The following FAM98A variants were observed in gnomAD, a reference collection of about 807,000 sequenced individuals.
FAM98A encodes the protein tRNA splicing ligase complex subunit 3A.
Under a neutral mutation model 62.9 loss-of-function variants are expected in FAM98A, and 25 were observed. The observed-to-expected ratio is 0.40, with a 90% CI of 0.29 to 0.56. FAM98A has a LOEUF of 0.56. Ranked by LOEUF, FAM98A falls within the 20% of genes least tolerant of loss-of-function variation. The pLI, the probability that FAM98A is intolerant of heterozygous loss-of-function variation, is 0.51. For synonymous variants in FAM98A, 252 were observed against 228.6 expected (o/e 1.10, Z -0.92); for missense variants, 653 against 640.7 (o/e 1.02, Z -0.21).
chr2:33,598,820 G>A (rs1389931853), intron 1 of FAM98A, among the ~76,000 whole-genome samples: 1 of 152,158 alleles, frequency 6.6e-6, no homozygotes. Context: ...AACCTTTAGA[G>A]TTGAGGGGTT....
At chr2:33,586,024 C>CT (rs1443552618) in intron 6 of FAM98A, among the ~76,000 whole-genome samples, 12 of 152,150 alleles carry the variant, frequency 7.9e-5, no homozygotes, top group African/African-American at 1.2e-4. Context: ...CTCATTTTCT[C>CT]TATTTAAATA....
intron 5 of FAM98A, among the ~76,000 whole-genome samples, 181 bp downstream of exon 5, chr2:33,587,059 C>A (rs1227059314): frequency 6.6e-6 from 1 of 152,174 alleles, no homozygotes; most frequent in Non-Finnish European, 1.5e-5. Context: ...TGCTTCTAAT[C>A]TTACACAAAT....
At chr2:33,592,493 A>T (rs1677693995) in intron 2 of FAM98A, among the ~76,000 whole-genome samples, 1 of 152,064 alleles carries the variant, frequency 6.6e-6, no homozygotes, top group Admixed American at 6.6e-5. Flanking sequence ...AGTCTCCGGA[A>T]TAGCTGGGCC....
intron 3 of FAM98A, 26 bp downstream of exon 3, chr2:33,592,054 C>G: frequency 1.3e-6 from 2 of 1,598,892 alleles, no homozygotes; most frequent in Non-Finnish European, 1.7e-6. Flanking sequence ...AAAGTAATAG[C>G]TATATTCTAG....
chr2:33,595,127 G>C (rs1677779213), intron 2 of FAM98A, among the ~76,000 whole-genome samples: 1 of 152,154 alleles, frequency 6.6e-6, no homozygotes, highest in Non-Finnish European at 1.5e-5. Flanking sequence ...CTAGAATCTG[G>C]TAATCCTAAA....
intron 4 of FAM98A, 56 bp from the exon 5 acceptor site, chr2:33,587,376 C>T (rs1278991568): frequency 4.8e-6 from 6 of 1,240,430 alleles, no homozygotes; most frequent in Non-Finnish European, 7.1e-6. Context: ...ACATCCTCAT[C>T]TTCCCAATTC....
At chr2:33,587,142 G>T in intron 5 of FAM98A, 98 bp downstream of exon 5, 1 of 769,594 alleles carries the variant, frequency 1.3e-6, no homozygotes, top group Admixed American at 2.3e-5. Context: ...CTATGTATAA[G>T]AAAACATAAT....
chr2:33,594,345 A>G (rs1264635477), intron 2 of FAM98A, among the ~76,000 whole-genome samples: 1 of 151,876 alleles, frequency 6.6e-6, no homozygotes, highest in African/African-American at 2.4e-5. Flanking sequence ...CTCACCACTA[A>G]GTGGGAGTTA....
rs1321963874 is a variant in FAM98A at position 33,585,648 on chromosome 2, A to G, written c.770T>C (p.Leu257Ser). 1 of 1,614,126 alleles carries G rather than the reference A, an allele frequency of 6.2e-7. No individual in the cohort carries two copies. The highest frequency in any genetic ancestry group is 8.5e-7 in the Non-Finnish European group (1 of 1,180,006). Residue 257 changes from leucine (L) to serine (S), a missense_variant, in exon 7 of 8, where the codon TTA becomes TCA. Coordinates refer to ENST00000238823, the MANE Select transcript of FAM98A (RefSeq NM_015475.5). The part of the protein sequence containing the change: ...AKVYQPKRSV[L>S]SPKTTISVAH... Reference sequence around the variant, plus strand: ...AACAGAAATAGTAGTTTTAGGGGATAAGACTGAACGTTTCGGCTGGTAAAC... The same window carrying G: ...AACAGAAATAGTAGTTTTAGGGGATGAGACTGAACGTTTCGGCTGGTAAAC...
chr2:33,599,028 G>T lies in FAM98A; in HGVS notation c.53+141C>A, dbSNP rs138290391. 4.8e-4 allele frequency: 361 copies of T among 745,348 alleles called. 1 individual carries two copies. In the East Asian group the frequency reaches 7.4e-3, roughly 15 times the overall value. 46.2% of individuals were successfully genotyped at this position (745,348 alleles called of 1,614,324 possible). On this transcript the variant is annotated intron_variant, in intron 1 of 7. Coordinates refer to ENST00000238823, the MANE Select transcript of FAM98A (RefSeq NM_015475.5). ...GCAGACAGTGGACGTGGCATTGGGG[G>T]TGCCGGGGCCAAAGGGAAGCGACAG...
intron 2 of FAM98A, among the ~76,000 whole-genome samples, chr2:33,594,565 A>G (rs1417710589): frequency 5.6e-5 from 1 of 17,830 alleles, no homozygotes; most frequent in Non-Finnish European, 1.2e-4. Flanking sequence ...AAAAAATTAT[A>G]TATATATATA....
intron 4 of FAM98A, 132 bp from the exon 5 acceptor site, chr2:33,587,452 C>T: frequency 1.4e-6 from 1 of 710,476 alleles, no homozygotes; most frequent in Non-Finnish European, 2.4e-6. Flanking sequence ...TTTTGAAATG[C>T]AAATGTAAAA....
At chr2:33,596,891 C>CAAAAAAAAA (rs55741538) in intron 1 of FAM98A, among the ~76,000 whole-genome samples, 1 of 103,458 alleles carries the variant, frequency 9.7e-6, no homozygotes, top group Non-Finnish European at 1.8e-5. Flanking sequence ...GACTCCGTAT[C>CAAAAAAAAA]AAAAAAAAAA....
At chr2:33,596,159 T>A (rs528596010) in intron 1 of FAM98A, among the ~76,000 whole-genome samples, 222 of 152,296 alleles carry the variant, frequency 1.5e-3, no homozygotes, top group Non-Finnish European at 1.8e-3. Context: ...GCTTTTTTTT[T>A]ATTTTTTATA....
At chr2:33,586,526 T>C (rs1294632362) in intron 6 of FAM98A, 36 bp downstream of exon 6, 1 of 1,346,190 alleles carries the variant, frequency 7.4e-7, no homozygotes. Context: ...ATCATGTCTA[T>C]AAATAGTCTG....
chr2:33,599,185 A>T lies in FAM98A; in HGVS notation c.37T>A (p.Ser13Thr). 6.2e-7 allele frequency: 1 copy of T among 1,613,442 alleles called. No homozygotes were observed. Among genetic ancestry groups the T allele is most frequent in the Non-Finnish European group, 8.5e-7 (1 of 1,179,752 alleles). The change falls in exon 1 of 8, where the codon TCG becomes ACG. Residue 13 changes from serine (S) to threonine (T), a missense_variant. Ser to Thr is a moderately conservative substitution (Grantham distance 58, BLOSUM62 1). Coordinates refer to ENST00000238823, the MANE Select transcript of FAM98A (RefSeq NM_015475.5). ...CDLMETDILE[S>T]LEDLGYKGPL... The stretch of plus-strand genomic sequence containing the variant: ...CAATCTTACCCTAGATCTTCCAACG[A>T]CTCCAAGATGTCAGTCTCCATGAGG...
rs1677513316 is a variant in FAM98A, at chr2:33,585,160, T to A, written c.1173A>T (p.Gly391=). The change falls in exon 8 of 8, where the codon GGA becomes GGT. Residue 391 remains glycine, a synonymous_variant. Coordinates refer to ENST00000238823, the MANE Select transcript of FAM98A (RefSeq NM_015475.5). ...GATAACCACCATCTTGGTAGCCACC[T>A]CCTCCACCACTCCCTCCATCTGTCC... is the stretch of plus-strand genomic sequence containing the variant. ...GGWTDGGSGG[G]GGYQDGGYRD... 1 of 1,614,106 alleles carries A rather than the reference T, an allele frequency of 6.2e-7. No homozygotes were observed. Among genetic ancestry groups the A allele is most frequent in the Non-Finnish European group, 8.5e-7 (1 of 1,180,018 alleles).
chr2:33,588,227 T>C, intron 4 of FAM98A, 108 bp downstream of exon 4: 3 of 835,808 alleles, frequency 3.6e-6, no homozygotes, highest in Non-Finnish European at 5.7e-6. Flanking sequence ...TACTTAATAA[T>C]ATATGCACAT....
chr2:33,595,613 A>G lies in FAM98A; in HGVS notation c.78T>C (p.Asp26=), dbSNP rs1283720832. The part of the protein sequence containing the change: ...DLGYKGPLLE[D]GALSQAVSAG... ...CAGAGACTGCCTGAGAGAGCGCTCC[A>G]TCTTCCAACAATGGGCCCTTGTAAC... Residue 26 remains aspartate (D), a synonymous_variant, in exon 2 of 8, where the codon GAT becomes GAC. Coordinates refer to ENST00000238823, the MANE Select transcript of FAM98A (RefSeq NM_015475.5). 13 of 1,588,360 alleles carry G rather than the reference A, an allele frequency of 8.2e-6. No individual in the cohort carries two copies. Among genetic ancestry groups the G allele is most frequent in the Non-Finnish European group, 1.0e-5 (12 of 1,172,282 alleles).
Sources: allele counts gnomAD v4.1 joint callset (sites outside exome capture counted in the v4.1 genomes callset), GRCh38; gene constraint gnomAD v4.1.1; transcripts MANE v1.5; gene names NCBI Gene and HGNC (gene_info 2026-07-23, HGNC 2026-07-21).